NRIP2: variants seen among roughly 807,000 people sequenced by gnomAD.
The protein encoded by NRIP2 is nuclear receptor-interacting protein 2.
Under a neutral mutation model 34.1 loss-of-function variants are expected in NRIP2, and 27 were observed. That is an observed-to-expected ratio of 0.79 (90% confidence interval 0.58 to 1.09). The LOEUF (loss-of-function observed/expected upper bound fraction) is 1.09, where lower values mean the gene tolerates loss of function less well. NRIP2 is among the 50% of genes least tolerant of loss of function. NRIP2 has a pLI of 0.00. For missense variants in NRIP2, 385 were observed against 352.6 expected (o/e 1.09, Z -0.74); for synonymous variants, 145 against 146.9 (o/e 0.99, Z 0.09).
chr12:2,829,844 G>A (rs1177740920), intron 2 of NRIP2, among the ~76,000 whole-genome samples: 1 of 127,146 alleles, frequency 7.9e-6, no homozygotes, highest in African/African-American at 3.1e-5. Context: ...TTGGGAGGCC[G>A]AGGTGGATGG....
At position 2,827,157 on chromosome 12, in the gene NRIP2, T is replaced by A; in HGVS notation, c.*50A>T. The A allele has an allele frequency of 6.2e-7, 1 of 1,612,856 alleles. No homozygotes were observed. The highest frequency in any genetic ancestry group is 1.1e-5 in the South Asian group (1 of 90,958). ...CAAGAGCCCCCGTTCCCCACACGCC[T>A]CTTCTTCTAAGGCAAGGTCTTTCCC... On this transcript the variant is annotated 3_prime_UTR_variant, in exon 6 of 6. Transcript: ENST00000337508. This position sits in a 1 kb window ranked among gnomAD's most constrained non-coding sequence, Gnocchi z 4.0.
intron 1 of NRIP2, among the ~76,000 whole-genome samples, chr12:2,833,746 T>A (rs533734792): frequency 8.5e-5 from 13 of 152,278 alleles, no homozygotes; most frequent in South Asian, 2.1e-4. Context: ...AATAATAGCA[T>A]TTAGATAGTG....
In NRIP2 at chr12:2,827,303, C is replaced by T. The variant is rs199597760; in HGVS notation, c.754-4G>A. On this transcript the variant is annotated splice_polypyrimidine_tract_variant and splice_region_variant and intron_variant, in intron 5 of 5. Coordinates refer to ENST00000337508, the MANE Select transcript of NRIP2 (RefSeq NM_031474.3). The surrounding 1 kb of genome is among the most constrained non-coding windows in gnomAD (Gnocchi z 4.0). ...CGTGCTCCAGGTCGATGCAGCACTGCGGGGTGTAGAGCAGTCATGCCAGGT... is the reference window on the plus strand; with the variant it reads ...CGTGCTCCAGGTCGATGCAGCACTGTGGGGTGTAGAGCAGTCATGCCAGGT... The T allele has an allele frequency of 7.2e-4, 1,164 of 1,612,704 alleles. 13 individuals are homozygous for T. The South Asian group carries it at 9.4e-3, about 13-fold the overall frequency.
chr12:2,830,498 T>C, intron 2 of NRIP2: 1 of 513,282 alleles, frequency 1.9e-6, no homozygotes, highest in South Asian at 3.1e-5. Flanking sequence ...GGGGGCAGAG[T>C]AATGGTGGTG....
chr12:2,830,949 C>T, intron 1 of NRIP2, 89 bp from the exon 2 acceptor site: 1 of 1,402,926 alleles, frequency 7.1e-7, no homozygotes, highest in Non-Finnish European at 9.7e-7. Flanking sequence ...CCCCAGGATG[C>T]TCCCCCCACC....
At chr12:2,834,557 C>T in intron 1 of NRIP2, 85 bp downstream of exon 1, 1 of 1,504,312 alleles carries the variant, frequency 6.6e-7, no homozygotes, top group Non-Finnish European at 8.9e-7. Flanking sequence ...AGGGTCTGCA[C>T]TTTCTGGTCC....
chr12:2,827,743 A>T lies in NRIP2; in HGVS notation c.701-66T>A, dbSNP rs2097975886. ...CAGTGGTCACTGCTGCCCTCCTCTT[A>T]GCCGTTGCTCCTTCTCTGCCCACCC... On this transcript the variant is annotated intron_variant, in intron 4 of 5. Coordinates refer to ENST00000337508, the MANE Select transcript of NRIP2 (RefSeq NM_031474.3). This position sits in a 1 kb window ranked among gnomAD's most constrained non-coding sequence, Gnocchi z 4.0. 1.9e-6 allele frequency: 3 copies of T among 1,612,014 alleles called. No homozygotes were observed. The East Asian group carries it at 6.7e-5, about 36-fold the overall frequency.
chr12:2,833,811 C>G (rs2098014926), intron 1 of NRIP2, among the ~76,000 whole-genome samples: 1 of 152,214 alleles, frequency 6.6e-6, no homozygotes, highest in Non-Finnish European at 1.5e-5. Context: ...TAACAACTCT[C>G]CCAACAATCC....
In NRIP2 at chr12:2,834,830, T is replaced by C; in HGVS notation, c.154A>G (p.Ser52Gly). ...PWPTPPAGAMSTKQEARRDEG... is the reference protein window; with the variant it reads ...PWPTPPAGAMGTKQEARRDEG... ...TCTCTCCTGGCCTCCTGCTTGGTGC[T>C]CATGGCCCCTGCTGGAGGAGTGGGC... is the stretch of plus-strand genomic sequence containing the variant. Residue 52 changes from serine (S) to glycine (G), a missense_variant, in exon 1 of 6, where the codon AGC becomes GGC. Physicochemically the swap from Ser to Gly is moderately conservative, Grantham distance 56. Transcript: ENST00000337508. 4 of 1,613,620 alleles carry C rather than the reference T, an allele frequency of 2.5e-6. No homozygotes were observed. The highest frequency in any genetic ancestry group is 3.4e-6 in the Non-Finnish European group (4 of 1,179,906).
rs776997648 is a variant in NRIP2, at chr12:2,834,719, T to TG, written c.264dup (p.Thr89HisfsTer84). ...GCCGAGTCCTTGTGCAGGAACTGGG[T>TG]GGCCTGTTTGAGCCGGCGCTGCTGG... On this transcript the variant is annotated frameshift_variant, in exon 1 of 6. Coordinates refer to ENST00000337508, the MANE Select transcript of NRIP2 (RefSeq NM_031474.3). LOFTEE classifies it high-confidence loss of function. 1.2e-6 allele frequency: 2 copies of TG among 1,613,998 alleles called. No individual in the cohort carries two copies. The highest frequency in any genetic ancestry group is 8.5e-7 in the Non-Finnish European group (1 of 1,179,990).
At position 2,830,760 on chromosome 12, in the gene NRIP2, C is replaced by G. The variant is rs1463353606; in HGVS notation, c.443G>C (p.Ser148Thr). Residue 148 changes from serine to threonine, a missense_variant, in exon 2 of 6, where the codon AGC becomes ACC. Physicochemically the swap from Ser to Thr is moderately conservative, Grantham distance 58 (BLOSUM62 1). Transcript: ENST00000337508. ...CTCTGTCCTGCTGGTCTTCCTCCTG[C>G]TCTCCTGGCCATGAATCAGGTCCTG... ...RMQDLIHGQE[S>T]RRKTSRTEIP... 1 of 1,613,936 alleles carries G rather than the reference C, an allele frequency of 6.2e-7. No homozygotes were observed. Among genetic ancestry groups the G allele is most frequent in the East Asian group, 2.2e-5 (1 of 44,852 alleles).
At chr12:2,833,145 A>G (rs2098011834) in intron 1 of NRIP2, among the ~76,000 whole-genome samples, 2 of 151,964 alleles carry the variant, frequency 1.3e-5, no homozygotes, top group Admixed American at 6.6e-5. Context: ...TATCCTAGGC[A>G]GAGGGGAGAG....
Position 2,834,734 on chromosome 12 carries a change from G to C in NRIP2, c.250C>G (p.Arg84Gly), listed in dbSNP as rs756137995. ...RDRAHLSQQR[R>G]LKQATQFLHK... The stretch of plus-strand genomic sequence containing the variant: ...AGGAACTGGGTGGCCTGTTTGAGCC[G>C]GCGCTGCTGGCTCAGGTGGGCTCGG... The change falls in exon 1 of 6, where the codon CGG becomes GGG. Residue 84 changes from arginine (R) to glycine (G), a missense_variant. Coordinates refer to ENST00000337508, the MANE Select transcript of NRIP2 (RefSeq NM_031474.3). The C allele has an allele frequency of 1.1e-5, 17 of 1,613,886 alleles. No homozygotes were observed. The highest frequency in any genetic ancestry group is 1.4e-5 in the Non-Finnish European group (17 of 1,180,014).
chr12:2,828,214 A>G (rs1603483872), intron 3 of NRIP2, 118 bp downstream of exon 3: 1 of 1,172,726 alleles, frequency 8.5e-7, no homozygotes, highest in African/African-American at 1.5e-5. Flanking sequence ...TCTTTTGTTA[A>G]ATAACAGCTT....
In NRIP2 at chr12:2,827,622, T is replaced by C. The variant is rs1210087826; in HGVS notation, c.753+3A>G. The C allele has an allele frequency of 6.2e-7, 1 of 1,614,156 alleles. No homozygotes were observed. Among genetic ancestry groups the C allele is most frequent in the Admixed American group, 1.7e-5 (1 of 60,022 alleles). ...TGGGTCAGGCCCTGAGTGGGTGCCTTACCTTGAGAGAAAGCAGAGTCTGCA... is the reference window on the plus strand; with the variant it reads ...TGGGTCAGGCCCTGAGTGGGTGCCTCACCTTGAGAGAAAGCAGAGTCTGCA... On this transcript the variant is annotated splice_donor_region_variant and intron_variant, in intron 5 of 5. Coordinates refer to ENST00000337508, the MANE Select transcript of NRIP2 (RefSeq NM_031474.3). This position sits in a 1 kb window ranked among gnomAD's most constrained non-coding sequence, Gnocchi z 4.0.
chr12:2,828,317 G>C lies in NRIP2; in HGVS notation c.578+15C>G. On this transcript the variant is annotated intron_variant, in intron 3 of 5. Coordinates refer to ENST00000337508, the MANE Select transcript of NRIP2 (RefSeq NM_031474.3). ...AACCCTGTCCCCCACTTGCTTGTTT[G>C]GGCCACATTCTTACCCCAGGCGGCT... The C allele has an allele frequency of 6.2e-7, 1 of 1,612,322 alleles. No homozygotes were observed. The highest frequency in any genetic ancestry group is 8.5e-7 in the Non-Finnish European group (1 of 1,178,776).
At chr12:2,833,763 A>G (rs554078210) in intron 1 of NRIP2, among the ~76,000 whole-genome samples, 5 of 152,292 alleles carry the variant, frequency 3.3e-5, no homozygotes, top group Admixed American at 2.0e-4. Flanking sequence ...AGTGCCTGCT[A>G]TTAGGCACTG....
rs2098019897 is a variant in NRIP2, at chr12:2,834,739, T to C, written c.245A>G (p.Gln82Arg). The change falls in exon 1 of 6, where the codon CAG (glutamine) becomes CGG (arginine). Residue 82 changes from glutamine (Q) to arginine (R), a missense_variant. Transcript: ENST00000337508. ...CTGGGTGGCCTGTTTGAGCCGGCGC[T>C]GCTGGCTCAGGTGGGCTCGGTCTCG... ...QLRDRAHLSQ[Q>R]RRLKQATQFL... 2.5e-6 allele frequency: 4 copies of C among 1,613,904 alleles called. No individual in the cohort carries two copies. The South Asian group carries it at 4.4e-5, about 18-fold the overall frequency.
intron 2 of NRIP2, 71 bp downstream of exon 2, chr12:2,830,637 A>G (rs2097996625): frequency 3.4e-6 from 5 of 1,488,874 alleles, no homozygotes; most frequent in Non-Finnish European, 2.7e-6. Context: ...AGGGCAGAGC[A>G]GAAAGGAGAG....
Sources: gnomAD v4.1 joint callset for allele counts (sites outside exome capture counted in the v4.1 genomes callset) on GRCh38, gnomAD v4.1.1 for gene constraint, Gnocchi (gnomAD v3.1) non-coding constraint, MANE v1.5 for transcripts, NCBI Gene and HGNC (gene_info 2026-07-23, HGNC 2026-07-21) for gene names.